Variants in RGL1 observed in about 807,000 individuals in gnomAD.
RGL1 encodes the protein ral guanine nucleotide dissociation stimulator-like 1.
RGL1 carries 24 observed loss-of-function variants against 95.2 expected under a neutral mutation model. The ratio of observed to expected loss-of-function variants is 0.25; its 90% confidence interval spans 0.18 to 0.35. RGL1 has a LOEUF of 0.35. RGL1 is among the 10% of genes least tolerant of loss of function. The probability of loss-of-function intolerance (pLI) is 1.00; values close to 1 mark genes in which losing one functional copy is unlikely to be tolerated. For synonymous variants in RGL1, 329 were observed against 344.9 expected (o/e 0.95, Z 0.51); for missense variants, 715 against 936.3 (o/e 0.76, Z 3.08).
chr1:183,668,662 C>T (rs539427596), intron 1 of RGL1, among the ~76,000 whole-genome samples: 17 of 151,844 alleles, frequency 1.1e-4, no homozygotes, highest in African/African-American at 2.2e-4. Context: ...TATGCCTAAG[C>T]ATAGTTTTTT....
At chr1:183,709,784 T>G (rs1007978916) in intron 1 of RGL1, 1 of 210,030 alleles carries the variant, frequency 4.8e-6, no homozygotes, top group African/African-American at 2.3e-5. Flanking sequence ...TGTAGCTAGT[T>G]GTTGATCTTG....
chr1:183,866,105 C>A lies in RGL1; in HGVS notation c.425+32C>A, dbSNP rs778243408. On this transcript the variant is annotated intron_variant, in intron 4 of 17. Transcript: ENST00000360851. ...CTCCCTTTTCTTTGCATTCTAAGCTCTCAGTCAAGACAATATCTTAAAGTA... is the reference window on the plus strand; with the variant it reads ...CTCCCTTTTCTTTGCATTCTAAGCTATCAGTCAAGACAATATCTTAAAGTA... 1.8e-5 allele frequency: 27 copies of A among 1,511,098 alleles called. 1 individual carries two copies. In the South Asian group the frequency reaches 2.9e-4, roughly 16 times the overall value. 93.6% of individuals were successfully genotyped at this position (1,511,098 alleles called of 1,614,324 possible).
chr1:183,648,389 G>A (rs1558132393), intron 1 of RGL1: 1 of 1,614,212 alleles, frequency 6.2e-7, no homozygotes, highest in East Asian at 2.2e-5. Flanking sequence ...TGCAGCAGTG[G>A]TTAGCTTCAT....
intron 3 of RGL1, among the ~76,000 whole-genome samples, chr1:183,862,536 C>A (rs747289084): frequency 1.8e-4 from 28 of 152,182 alleles, no homozygotes; most frequent in Non-Finnish European, 2.9e-5. Context: ...CCTTTAAGAT[C>A]TCAACTTTAA....
chr1:183,731,974 C>G (rs1656653277), intron 1 of RGL1, among the ~76,000 whole-genome samples: 1 of 152,158 alleles, frequency 6.6e-6, no homozygotes, highest in Non-Finnish European at 1.5e-5. Flanking sequence ...CGCCCTGCCC[C>G]ATACACACCT....
At chr1:183,659,804 A>AGAGAAAGGTCGGGTT (rs1282936934) in intron 1 of RGL1, among the ~76,000 whole-genome samples, 8 of 151,784 alleles carry the variant, frequency 5.3e-5, no homozygotes, top group African/African-American at 1.9e-4. Flanking sequence ...GGGCAGCCAG[A>AGAGAAAGGTCGGGTT]GAGAAAGGTC....
At chr1:183,707,778 A>G (rs1558164416) in intron 1 of RGL1, among the ~76,000 whole-genome samples, 1 of 152,018 alleles carries the variant, frequency 6.6e-6, no homozygotes, top group Non-Finnish European at 1.5e-5. Flanking sequence ...CTGAGAAGCT[A>G]AAGAGGAGGC....
At chr1:183,801,346 GT>G (rs995772441), upstream of RGL1, among the ~76,000 whole-genome samples, 3 of 150,808 alleles carry the variant, frequency 2.0e-5, no homozygotes, top group Non-Finnish European at 4.4e-5. Context: ...TTTAAATTGG[GT>G]TTTTTTTTCT....
chr1:183,662,178 C>G (rs1430042181), intron 1 of RGL1, among the ~76,000 whole-genome samples: 2 of 151,580 alleles, frequency 1.3e-5, no homozygotes, highest in Non-Finnish European at 2.9e-5. Flanking sequence ...TCTCACCACT[C>G]CTATTCAAGA....
At chr1:183,901,199 T>G (rs1213221248) in intron 11 of RGL1, among the ~76,000 whole-genome samples, 1 of 151,944 alleles carries the variant, frequency 6.6e-6, no homozygotes, top group Non-Finnish European at 1.5e-5. Flanking sequence ...CTCAGGAGGT[T>G]GAGGCAGAAG....
At chr1:183,743,724 AT>A (rs1378643308) in intron 2 of RGL1, among the ~76,000 whole-genome samples, 1 of 152,326 alleles carries the variant, frequency 6.6e-6, no homozygotes, top group African/African-American at 2.4e-5. Context: ...GGCAAACCTA[AT>A]GGGAAATCAA....
At chr1:183,753,064 T>G (rs1658123455) in intron 2 of RGL1, among the ~76,000 whole-genome samples, 1 of 152,204 alleles carries the variant, frequency 6.6e-6, no homozygotes, top group African/African-American at 2.4e-5. Context: ...TTTTTTCTTT[T>G]GAAATTTTAC....
chr1:183,800,122 C>A (rs1000899338), upstream of RGL1, among the ~76,000 whole-genome samples: 1 of 152,158 alleles, frequency 6.6e-6, no homozygotes, highest in Non-Finnish European at 1.5e-5. Context: ...ATCATTTACC[C>A]AGACACATAA....
intron 2 of RGL1, among the ~76,000 whole-genome samples, chr1:183,746,892 A>G (rs1418834425): frequency 1.3e-5 from 2 of 152,106 alleles, no homozygotes; most frequent in African/African-American, 4.8e-5. Context: ...CTTATGAGTG[A>G]GAACATGCAG....
At chr1:183,802,177 C>T (rs535747209), upstream of RGL1, among the ~76,000 whole-genome samples, 1 of 152,206 alleles carries the variant, frequency 6.6e-6, no homozygotes, top group South Asian at 2.1e-4. Flanking sequence ...TTCCCAGCAC[C>T]ATTTGTTGGA....
intron 12 of RGL1, among the ~76,000 whole-genome samples, 178 bp from the exon 13 acceptor site, chr1:183,904,672 T>A (rs774195833): frequency 2.0e-5 from 3 of 152,182 alleles, no homozygotes; most frequent in Non-Finnish European, 4.4e-5. Flanking sequence ...CTAGTTAGAA[T>A]TTTTAAGAGT....
intron 2 of RGL1, among the ~76,000 whole-genome samples, chr1:183,789,707 T>C (rs562925471): frequency 3.3e-5 from 5 of 152,176 alleles, no homozygotes; most frequent in African/African-American, 9.6e-5. Flanking sequence ...AATTGGAATA[T>C]AGGTTTGGCT....
intron 4 of RGL1, among the ~76,000 whole-genome samples, chr1:183,876,176 G>A (rs1014344111): frequency 2.0e-5 from 3 of 152,164 alleles, no homozygotes; most frequent in South Asian, 2.1e-4. Flanking sequence ...GATGCTCATC[G>A]CATAAATTGT....
At chr1:183,813,549 A>G (rs1661868503) in intron 2 of RGL1, among the ~76,000 whole-genome samples, 1 of 152,216 alleles carries the variant, frequency 6.6e-6, no homozygotes, top group African/African-American at 2.4e-5. Context: ...GTTTCCCTAC[A>G]AACCAAACAA....
Sources: allele counts gnomAD v4.1 joint callset (sites outside exome capture counted in the v4.1 genomes callset), GRCh38; gene constraint gnomAD v4.1.1; transcripts MANE v1.5; gene names NCBI Gene and HGNC (gene_info 2026-07-23, HGNC 2026-07-21).